MGARP: variants seen among roughly 807,000 people sequenced by gnomAD.
MGARP encodes the protein protein MGARP.
In MGARP, 12 loss-of-function variants were observed where a neutral mutation model predicts 11.0. That is an observed-to-expected ratio of 1.09 (90% CI 0.70 to 1.77). MGARP has a LOEUF of 1.77. Among genes scored for constraint, MGARP ranks in the 40% most tolerant of loss-of-function variants. MGARP has a pLI of 0.00. For missense variants in MGARP, 283 were observed against 297.8 expected (o/e 0.95, Z 0.36); for synonymous variants, 110 against 115.4 (o/e 0.95, Z 0.30).
chr4:139,269,947 T>G (rs1744753252), intron 2 of MGARP, among the ~76,000 whole-genome samples: 1 of 152,098 alleles, frequency 6.6e-6, no homozygotes, highest in African/African-American at 2.4e-5. Context: ...TATTTAAAAA[T>G]TGTACTACTT....
chr4:139,276,694 A>G (rs1334952407), intron 1 of MGARP, among the ~76,000 whole-genome samples: 3 of 152,130 alleles, frequency 2.0e-5, no homozygotes, highest in East Asian at 3.9e-4. Flanking sequence ...AAAAAATTTT[A>G]TAATATTAGC....
intron 2 of MGARP, among the ~76,000 whole-genome samples, chr4:139,270,017 C>T (rs1028170532): frequency 1.3e-5 from 2 of 151,878 alleles, no homozygotes; most frequent in East Asian, 1.9e-4. Flanking sequence ...TCTGTAATGT[C>T]GGGGCCGGGT....
chr4:139,268,392 G>A (rs1460069238), intron 3 of MGARP, among the ~76,000 whole-genome samples: 5 of 152,216 alleles, frequency 3.3e-5, no homozygotes, highest in African/African-American at 1.2e-4. Context: ...GGATGCCTGA[G>A]CAGGGGAAAA....
At chr4:139,270,306 A>G (rs1333831160) in intron 2 of MGARP, among the ~76,000 whole-genome samples, 2 of 151,050 alleles carry the variant, frequency 1.3e-5, no homozygotes, top group African/African-American at 2.4e-5. Context: ...CTCAAAAAAA[A>G]AAAAAAAAGA....
intron 3 of MGARP, among the ~76,000 whole-genome samples, chr4:139,267,986 G>A (rs957529161): frequency 2.6e-5 from 4 of 152,132 alleles, no homozygotes; most frequent in African/African-American, 9.7e-5. Context: ...GTGTAGCGGT[G>A]CATGCTTGTA....
chr4:139,279,938 A>G, intron 1 of MGARP, 139 bp downstream of exon 1: 7 of 857,404 alleles, frequency 8.2e-6, no homozygotes, highest in Non-Finnish European at 1.3e-5. Flanking sequence ...AGTCTCCCCC[A>G]GTCTCCTCGA....
chr4:139,277,770 A>G (rs1744894253), intron 1 of MGARP, among the ~76,000 whole-genome samples: 1 of 152,188 alleles, frequency 6.6e-6, no homozygotes, highest in Non-Finnish European at 1.5e-5. Context: ...TAATGTGCAC[A>G]AGGAAGGAAT....
rs1053237423 is a variant in MGARP, at chr4:139,279,250, A to G, written c.82+827T>C. On this transcript the variant is annotated intron_variant, in intron 1 of 3. Coordinates refer to ENST00000398955, the MANE Select transcript of MGARP (RefSeq NM_032623.4). ...CCTTGCTCACACCTATTAAGCACCT[A>G]CTATGTTCCCAGCACTATACGAAGC... is the stretch of plus-strand genomic sequence containing the variant. Among the ~76,000 whole-genome samples, 3 of 152,238 alleles carry G rather than the reference A, an allele frequency of 2.0e-5. 1 individual carries two copies. The South Asian group carries it at 6.2e-4, about 32-fold the overall frequency.
Position 139,275,286 on chromosome 4 carries a change from T to C in MGARP, c.186+3A>G. 1 of 1,609,604 alleles carries C rather than the reference T, an allele frequency of 6.2e-7. No homozygotes were observed. The highest frequency in any genetic ancestry group is 2.2e-5 in the East Asian group (1 of 44,850). ...TGAGCACTGTGGTTATATAATCACT[T>C]ACATAATATCCACCAGCACTGACTG... On this transcript the variant is annotated splice_donor_region_variant and intron_variant, in intron 2 of 3. Transcript: ENST00000398955.
chr4:139,267,123 AAGAC>A, intron 3 of MGARP, 82 bp from the exon 4 acceptor site: 1 of 1,313,584 alleles, frequency 7.6e-7, no homozygotes, highest in South Asian at 1.3e-5. Flanking sequence ...TTAAACACCT[AAGAC>A]AGAACTACAT....
chr4:139,280,069 T>C lies in MGARP; in HGVS notation c.82+8A>G. ...GTCCTCCTCTCCGGGCTAGACCTCC[T>C]TACTCACCGTCCTTTCCGAGCGGCG... On this transcript the variant is annotated splice_region_variant and intron_variant, in intron 1 of 3. Transcript: ENST00000398955. 1 of 1,612,096 alleles carries C rather than the reference T, an allele frequency of 6.2e-7. No homozygotes were observed. Among genetic ancestry groups the C allele is most frequent in the Non-Finnish European group, 8.5e-7 (1 of 1,179,670 alleles).
intron 2 of MGARP, among the ~76,000 whole-genome samples, chr4:139,271,943 C>T (rs911266853): frequency 6.6e-6 from 1 of 152,070 alleles, no homozygotes; most frequent in African/African-American, 2.4e-5. Context: ...AGCAGTCTGG[C>T]AAAGTTTGTT....
chr4:139,273,469 G>C (rs1041946203), intron 2 of MGARP, among the ~76,000 whole-genome samples: 3 of 150,202 alleles, frequency 2.0e-5, no homozygotes, highest in African/African-American at 7.3e-5. Flanking sequence ...GCCTCCCAAA[G>C]TGCTGGGATT....
At position 139,269,504 on chromosome 4, in the gene MGARP, G is replaced by A. The variant is rs145285887; in HGVS notation, c.187-739C>T. Reference sequence around the variant, plus strand: ...ACAGCCAGGCATGGTGGTGGTGCTCGCCTGTAGCCCTAGCTACTCAGAAGG... The same window carrying A: ...ACAGCCAGGCATGGTGGTGGTGCTCACCTGTAGCCCTAGCTACTCAGAAGG... On this transcript the variant is annotated intron_variant, in intron 2 of 3. Transcript: ENST00000398955. Among the ~76,000 whole-genome samples, 56 of 151,912 alleles carry A rather than the reference G, an allele frequency of 3.7e-4. No individual in the cohort carries two copies. The East Asian group carries it at 9.7e-3, about 26-fold the overall frequency.
Position 139,267,111 on chromosome 4 carries a change from G to C in MGARP, c.281-70C>G, listed in dbSNP as rs1050833654. On this transcript the variant is annotated intron_variant, in intron 3 of 3. Coordinates refer to ENST00000398955, the MANE Select transcript of MGARP (RefSeq NM_032623.4). ...GGGAAGGCAATGAAACACTGCGGTC[G>C]TTTAAACACCTAAGACAGAACTACA... The C allele has an allele frequency of 1.2e-5, 17 of 1,460,182 alleles. No homozygotes were observed. In the African/African-American group the frequency reaches 2.2e-4, roughly 19 times the overall value. The allele number at this position is 1,460,182 out of a possible 1,614,324, so 90.5% of individuals were successfully genotyped here.
In MGARP at chr4:139,266,661, C is replaced by G. The variant is rs779625791; in HGVS notation, c.661G>C (p.Ala221Pro). The G allele has an allele frequency of 6.2e-7, 1 of 1,614,152 alleles. No individual in the cohort carries two copies. Among genetic ancestry groups the G allele is most frequent in the Non-Finnish European group, 8.5e-7 (1 of 1,180,020 alleles). The part of the protein sequence containing the change: ...ENSPAESESS[A>P]GDDLQEEASV... ...GCTTCCTCCTGTAAATCATCTCCAG[C>G]AGAGGACTCTGACTCAGCTGGAGAA... Residue 221 changes from alanine (A) to proline (P), a missense_variant, in exon 4 of 4, where the codon GCT (alanine) becomes CCT (proline). Coordinates refer to ENST00000398955, the MANE Select transcript of MGARP (RefSeq NM_032623.4).
At chr4:139,267,158 TCAAG>T in intron 3 of MGARP, 117 bp from the exon 4 acceptor site, 2 of 978,706 alleles carry the variant, frequency 2.0e-6, no homozygotes, top group Non-Finnish European at 3.1e-6. Flanking sequence ...GTAACAGTCT[TCAAG>T]GTAGACTCTC....
chr4:139,271,534 C>T (rs1274812964), intron 2 of MGARP, among the ~76,000 whole-genome samples: 2 of 152,154 alleles, frequency 1.3e-5, no homozygotes, highest in East Asian at 3.9e-4. Flanking sequence ...CTCAAAAAAA[C>T]TGGAGTGATC....
At position 139,275,287 on chromosome 4, in the gene MGARP, A is replaced by G; in HGVS notation, c.186+2T>C. 1 of 1,610,656 alleles carries G rather than the reference A, an allele frequency of 6.2e-7. No homozygotes were observed. The highest frequency in any genetic ancestry group is 8.5e-7 in the Non-Finnish European group (1 of 1,177,438). ...GAGCACTGTGGTTATATAATCACTT[A>G]CATAATATCCACCAGCACTGACTGT... On this transcript the variant is annotated splice_donor_variant, in intron 2 of 3. Coordinates refer to ENST00000398955, the MANE Select transcript of MGARP (RefSeq NM_032623.4). LOFTEE classifies it high-confidence loss of function.
Sources: gnomAD v4.1 joint callset for allele counts (sites outside exome capture counted in the v4.1 genomes callset) on GRCh38, gnomAD v4.1.1 for gene constraint, MANE v1.5 for transcripts, NCBI Gene and HGNC (gene_info 2026-07-23, HGNC 2026-07-21) for gene names.